Variants in NRXN1 observed in about 807,000 individuals in gnomAD.
The protein encoded by NRXN1 is neurexin 1.
NRXN1 carries 39 observed loss-of-function variants against 150.9 expected under a neutral mutation model. The ratio of observed to expected loss-of-function variants is 0.26; its 90% CI spans 0.20 to 0.34. The LOEUF is 0.34. Among genes scored for constraint, NRXN1 ranks in the 10% least tolerant of loss-of-function variants. NRXN1 has a pLI of 1.00. For synonymous variants in NRXN1, 924 were observed against 757.0 expected (o/e 1.22, Z -3.62); for missense variants, 1,815 against 1,949.9 (o/e 0.93, Z 1.30).
intron 8 of NRXN1, among the ~76,000 whole-genome samples, chr2:50,586,674 T>G (rs962683580): frequency 6.6e-6 from 1 of 152,166 alleles, no homozygotes; most frequent in African/African-American, 2.4e-5. Context: ...TCCATTAAAC[T>G]CAAGCCCTTT....
At chr2:50,512,850 T>A (rs974226833) in intron 12 of NRXN1, among the ~76,000 whole-genome samples, 1 of 152,188 alleles carries the variant, frequency 6.6e-6, no homozygotes, top group African/African-American at 2.4e-5. Context: ...ACAAAGAACC[T>A]CACTGCCATA....
chr2:50,428,579 G>C (rs1464081436), intron 17 of NRXN1, among the ~76,000 whole-genome samples: 1 of 152,112 alleles, frequency 6.6e-6, no homozygotes, highest in Non-Finnish European at 1.5e-5. Flanking sequence ...TCGTTTCATT[G>C]TATCTTTCCA....
chr2:50,912,608 C>G (rs541709648), intron 5 of NRXN1, among the ~76,000 whole-genome samples: 158 of 151,464 alleles, frequency 1.0e-3, no homozygotes, highest in Non-Finnish European at 1.9e-3. Context: ...CCTCTGAGAA[C>G]TACTAGGTAG....
chr2:50,811,675 T>G (rs1000650022), intron 5 of NRXN1, among the ~76,000 whole-genome samples: 10 of 152,288 alleles, frequency 6.6e-5, no homozygotes, highest in African/African-American at 2.4e-4. Context: ...ATACAAAGAT[T>G]TATTATCTGG....
intron 9 of NRXN1, among the ~76,000 whole-genome samples, chr2:50,541,541 AAG>A (rs1469236638): frequency 1.3e-5 from 2 of 152,150 alleles, no homozygotes; most frequent in Non-Finnish European, 2.9e-5. Flanking sequence ...AAAGTATTGT[AAG>A]AGAGTTCAAA....
chr2:50,279,885 C>A (rs114991602), intron 17 of NRXN1, among the ~76,000 whole-genome samples: 424 of 152,210 alleles, frequency 2.8e-3, no homozygotes, highest in African/African-American at 9.8e-3. Context: ...TTTCAAATGG[C>A]AGTAACACTA....
intron 5 of NRXN1, among the ~76,000 whole-genome samples, chr2:50,663,040 A>G (rs1687524244): frequency 6.6e-6 from 1 of 152,060 alleles, no homozygotes; most frequent in Non-Finnish European, 1.5e-5. Context: ...TATTTGAGAA[A>G]TGATGCCCAG....
rs567752388 is a variant in NRXN1, at chr2:50,119,448, T to C, written c.3547-27954A>G. 6.6e-5 allele frequency among the ~76,000 whole-genome samples: 10 copies of C among 152,216 alleles called. No homozygotes were observed. The East Asian group carries it at 1.5e-3, about 24-fold the overall frequency. ...CTAAAAGAAATAAAATTGCAAGTTT[T>C]CCTTTGTCTTTCATCAGAGCTTTCT... is the stretch of plus-strand genomic sequence containing the variant. On this transcript the variant is annotated intron_variant, in intron 18 of 22. Transcript: ENST00000401669.
intron 5 of NRXN1, among the ~76,000 whole-genome samples, chr2:50,758,505 G>A (rs1230661006): frequency 2.6e-5 from 4 of 151,846 alleles, no homozygotes; most frequent in Non-Finnish European, 4.4e-5. Flanking sequence ...ATGATGTTTC[G>A]CTGTGTTACG....
chr2:50,911,780 A>G (rs1384614991), intron 5 of NRXN1, among the ~76,000 whole-genome samples: 2 of 151,880 alleles, frequency 1.3e-5, no homozygotes, highest in East Asian at 3.9e-4. Context: ...AAGTTGCCAC[A>G]TATTCAATTT....
At chr2:50,767,195 G>A (rs973296992) in intron 5 of NRXN1, among the ~76,000 whole-genome samples, 2 of 152,040 alleles carry the variant, frequency 1.3e-5, no homozygotes, top group African/African-American at 4.8e-5. Flanking sequence ...TGGAGTATAT[G>A]CCTTAAATAC....
intron 13 of NRXN1, among the ~76,000 whole-genome samples, chr2:50,498,870 C>G (rs767899426): frequency 2.0e-5 from 3 of 152,164 alleles, no homozygotes; most frequent in African/African-American, 2.4e-5. Context: ...TGCTAGCTTC[C>G]CTGCCCGATT....
chr2:50,480,987 A>G (rs1365845850), intron 15 of NRXN1, among the ~76,000 whole-genome samples: 1 of 152,228 alleles, frequency 6.6e-6, no homozygotes, highest in Non-Finnish European at 1.5e-5. Flanking sequence ...TTGACCAAGC[A>G]TTTGCACATA....
chr2:50,326,110 G>A lies in NRXN1; in HGVS notation c.3365-89140C>T, dbSNP rs576144035. On this transcript the variant is annotated intron_variant, in intron 17 of 22. Coordinates refer to ENST00000401669, the MANE Select transcript of NRXN1 (RefSeq NM_001330078.2). ...CATCAAAACAAAGAAAATAAGACAC[G>A]ATTTTGTTTTTTTCATTTCATGGGC... is the stretch of plus-strand genomic sequence containing the variant. 2.1e-4 allele frequency among the ~76,000 whole-genome samples: 32 copies of A among 152,060 alleles called. No individual in the cohort carries two copies. In the South Asian group the frequency reaches 6.4e-3, roughly 31 times the overall value.
intron 8 of NRXN1, among the ~76,000 whole-genome samples, chr2:50,566,138 T>A (rs1370055930): frequency 6.6e-6 from 1 of 152,180 alleles, no homozygotes; most frequent in Non-Finnish European, 1.5e-5. Flanking sequence ...TGTCTTCTAT[T>A]TCGGTTGTAT....
intron 2 of NRXN1, among the ~76,000 whole-genome samples, chr2:50,961,104 G>C (rs1268000128): frequency 6.6e-6 from 1 of 151,852 alleles, no homozygotes; most frequent in East Asian, 1.9e-4. Flanking sequence ...AGACTTTAAA[G>C]ATTATATGTC....
Position 50,053,373 on chromosome 2 carries a change from G to A in NRXN1, c.4026C>T (p.Ala1342=). 1 of 1,614,004 alleles carries A rather than the reference G, an allele frequency of 6.2e-7. No homozygotes were observed. The highest frequency in any genetic ancestry group is 1.7e-4 in the Middle Eastern group (1 of 6,058). The change falls in exon 21 of 23, where the codon GCC becomes GCT. Residue 1342 remains alanine, a synonymous_variant. Coordinates refer to ENST00000401669, the MANE Select transcript of NRXN1 (RefSeq NM_001330078.2). ...SSMTTESTAT[A]MQSEMSTSIM... ...TTGATGTGGACATCTCTGATTGCAT[G>A]GCAGTGGCTGTTGACTCAGTTGTCA... is the stretch of plus-strand genomic sequence containing the variant.
At chr2:50,790,699 T>G (rs1382752701) in intron 5 of NRXN1, among the ~76,000 whole-genome samples, 1 of 152,170 alleles carries the variant, frequency 6.6e-6, no homozygotes, top group African/African-American at 2.4e-5. Context: ...GTGTTTCAAA[T>G]TTTTGGTTTT....
intron 21 of NRXN1, among the ~76,000 whole-genome samples, chr2:49,962,819 G>GACTACA (rs1676223233): frequency 6.6e-6 from 1 of 152,050 alleles, no homozygotes; most frequent in Non-Finnish European, 1.5e-5. Flanking sequence ...CGGGGGTGGT[G>GACTACA]GCATGCACCT....
Sources: allele counts gnomAD v4.1 joint callset (sites outside exome capture counted in the v4.1 genomes callset), GRCh38; gene constraint gnomAD v4.1.1; transcripts MANE v1.5; gene names NCBI Gene and HGNC (gene_info 2026-07-23, HGNC 2026-07-21).